Variants in FAM107B observed in about 807,000 individuals in gnomAD.
FAM107B encodes family with sequence similarity 107 member B.
A neutral mutation model predicts 31.5 loss-of-function variants in FAM107B; 21 were observed. That is an observed-to-expected ratio of 0.67 (90% CI 0.47 to 0.96). The LOEUF (loss-of-function observed/expected upper bound fraction) is 0.96. Among genes scored for constraint, FAM107B ranks in the 40% least tolerant of loss-of-function variants. The pLI, the probability that FAM107B is intolerant of heterozygous loss-of-function variation, is 0.00. For synonymous variants in FAM107B, 157 were observed against 141.5 expected (o/e 1.11, Z -0.78); for missense variants, 452 against 377.1 (o/e 1.20, Z -1.64).
At chr10:14,634,915 C>T (rs1213240846) in intron 2 of FAM107B, among the ~76,000 whole-genome samples, 6 of 151,946 alleles carry the variant, frequency 3.9e-5, no homozygotes, top group African/African-American at 9.7e-5. Flanking sequence ...CATGGTGAAA[C>T]CCCATCTCTA....
At chr10:14,719,647 C>T (rs970280428) in intron 1 of FAM107B, among the ~76,000 whole-genome samples, 6 of 152,102 alleles carry the variant, frequency 3.9e-5, no homozygotes, top group Admixed American at 2.6e-4. Flanking sequence ...CTAGGGGATT[C>T]GAGGGGGAGA....
chr10:14,678,385 C>T (rs914260000), intron 1 of FAM107B, among the ~76,000 whole-genome samples: 10 of 152,128 alleles, frequency 6.6e-5, no homozygotes, highest in African/African-American at 2.4e-4. Flanking sequence ...TGATTGTATA[C>T]ACAACTTTCA....
chr10:14,519,349 C>G lies in FAM107B; in HGVS notation c.*1841G>C, dbSNP rs1845417452. On this transcript the variant is annotated 3_prime_UTR_variant, in exon 5 of 5. Transcript: ENST00000181796. ...CAGTCCCGAATCTTCATTTTACAAA[C>G]AGCATCGCTAGTCCACAGACACAAA... 1 of 152,120 alleles carries G rather than the reference C, an allele frequency of 6.6e-6. No homozygotes were observed. The highest frequency in any genetic ancestry group is 2.4e-5 in the African/African-American group (1 of 41,416). The allele number at this position is 152,120 out of a possible 1,614,324, so 9.4% of individuals were successfully genotyped here. A position where few individuals can be genotyped will look rare whatever the true frequency, so the allele number is the denominator to read the frequency against.
At position 14,680,061 on chromosome 10, in the gene FAM107B, A is replaced by G. The variant is rs1854792635; in HGVS notation, c.412-12370T>C. On this transcript the variant is annotated intron_variant, in intron 1 of 4. Transcript: ENST00000181796. ...TAAACTCCCCTTTATATGTTCAGCAATCCTATTAGTTCTGTCCCTCTAGAG... is the reference window on the plus strand; with the variant it reads ...TAAACTCCCCTTTATATGTTCAGCAGTCCTATTAGTTCTGTCCCTCTAGAG... 2.0e-5 allele frequency among the ~76,000 whole-genome samples: 3 copies of G among 152,112 alleles called. No individual in the cohort carries two copies. The South Asian group carries it at 6.2e-4, about 32-fold the overall frequency.
intron 1 of FAM107B, among the ~76,000 whole-genome samples, chr10:14,752,456 C>T (rs1832848193): frequency 6.6e-6 from 1 of 152,164 alleles, no homozygotes; most frequent in Non-Finnish European, 1.5e-5. Flanking sequence ...GGGAGGTAGT[C>T]CAGATACAAA....
intron 1 of FAM107B, among the ~76,000 whole-genome samples, chr10:14,705,416 G>A (rs945496631): frequency 3.3e-5 from 5 of 152,114 alleles, no homozygotes; most frequent in African/African-American, 9.7e-5. Context: ...GCACACCCAT[G>A]CTCCTAGCAG....
At chr10:14,528,976 G>T (rs777951224) in intron 3 of FAM107B, among the ~76,000 whole-genome samples, 4 of 152,204 alleles carry the variant, frequency 2.6e-5, no homozygotes, top group Non-Finnish European at 5.9e-5. Flanking sequence ...TTAGAGAACA[G>T]CTAAGTCTCC....
intron 2 of FAM107B, among the ~76,000 whole-genome samples, chr10:14,599,210 G>A (rs944172221): frequency 6.6e-6 from 1 of 151,880 alleles, no homozygotes; most frequent in Admixed American, 6.6e-5. Flanking sequence ...CATAACCTGA[G>A]GGTTGCTGGG....
At chr10:14,633,394 T>A (rs1295511858) in intron 2 of FAM107B, among the ~76,000 whole-genome samples, 1 of 152,182 alleles carries the variant, frequency 6.6e-6, no homozygotes, top group East Asian at 1.9e-4. Flanking sequence ...CAAGATATAA[T>A]TGATGTTAAA....
intron 2 of FAM107B, among the ~76,000 whole-genome samples, chr10:14,560,423 AG>A (rs1160023110): frequency 6.6e-6 from 1 of 152,228 alleles, no homozygotes; most frequent in East Asian, 1.9e-4. Context: ...GAGCCGTCAG[AG>A]CGGGAAAGCC....
rs1845357818 is a variant in FAM107B, at chr10:14,518,771, ACTGT to A, written c.*2415_*2418del. ...TTTTCAGAGTAGAAGAATAAAGTCG[ACTGT>A]TATAGCTTAGAAAGCAACACTACTA... On this transcript the variant is annotated 3_prime_UTR_variant, in exon 5 of 5. Transcript: ENST00000181796. 1 of 152,656 alleles carries A rather than the reference ACTGT, an allele frequency of 6.6e-6. No homozygotes were observed. The highest frequency in any genetic ancestry group is 1.5e-5 in the Non-Finnish European group (1 of 68,044). The allele number at this position is 152,656 out of a possible 1,614,324, so 9.5% of individuals were successfully genotyped here. A position where few individuals can be genotyped will look rare whatever the true frequency, so the allele number is the denominator to read the frequency against.
chr10:14,667,658 C>A lies in FAM107B; in HGVS notation c.445G>T (p.Glu149Ter), dbSNP rs766482832. 2 of 1,614,042 alleles carry A rather than the reference C, an allele frequency of 1.2e-6. No homozygotes were observed. The highest frequency in any genetic ancestry group is 3.3e-5 in the Admixed American group (2 of 59,986). The change falls in exon 2 of 5, where the codon GAG (glutamate) becomes TAG (stop). Residue 149 changes from glutamate (E) to a stop codon, truncating the protein, a stop_gained. Transcript: ENST00000181796. LOFTEE classifies it high-confidence loss of function. ...CCTGATGTCATTTTCTGCTCCAGCT[C>A]GAGGCATTTAGGTTCTTCTCGAAAT... The part of the protein sequence containing the change: ...EEFREEPKCL[E>*]LEQKMTSDSP...
chr10:14,641,435 G>A (rs957233709), intron 2 of FAM107B, among the ~76,000 whole-genome samples: 17 of 152,132 alleles, frequency 1.1e-4, no homozygotes, highest in Admixed American at 7.2e-4. Flanking sequence ...AGCTCAGGCC[G>A]CCATAACAAA....
intron 1 of FAM107B, among the ~76,000 whole-genome samples, chr10:14,762,205 G>A (rs1027167905): frequency 3.9e-5 from 6 of 151,966 alleles, no homozygotes; most frequent in African/African-American, 1.5e-4. Flanking sequence ...AGCACCATTG[G>A]GCATCCCCTC....
At chr10:14,638,804 G>A (rs1410070) in intron 2 of FAM107B, among the ~76,000 whole-genome samples, 131,683 of 152,104 alleles carry the variant, frequency 0.87, 57,308 homozygotes, top group East Asian at 0.95. Context: ...ATGTTGCACT[G>A]TTTTCTCTTT....
At chr10:14,729,585 C>T (rs1856116637) in intron 1 of FAM107B, among the ~76,000 whole-genome samples, 1 of 152,154 alleles carries the variant, frequency 6.6e-6, no homozygotes, top group Middle Eastern at 3.2e-3. Context: ...GGAAGCTTCA[C>T]TGTAGACCCG....
At chr10:14,548,359 C>T in intron 2 of FAM107B, 1 of 941,290 alleles carries the variant, frequency 1.1e-6, no homozygotes, top group Non-Finnish European at 1.3e-6. Context: ...CTTCCGACTG[C>T]ACCTCCTGCC....
At chr10:14,709,102 C>A (rs1487329063) in intron 1 of FAM107B, among the ~76,000 whole-genome samples, 2 of 152,172 alleles carry the variant, frequency 1.3e-5, no homozygotes, top group African/African-American at 4.8e-5. Flanking sequence ...TGGTGAAATA[C>A]AAAATGGTGC....
intron 2 of FAM107B, chr10:14,548,403 A>G (rs1848916226): frequency 2.0e-6 from 2 of 985,134 alleles, no homozygotes; most frequent in Non-Finnish European, 2.4e-6. Context: ...CCTTGTACAC[A>G]GGTCTGTGAG....
Sources: allele counts gnomAD v4.1 joint callset (sites outside exome capture counted in the v4.1 genomes callset), GRCh38; gene constraint gnomAD v4.1.1; transcripts MANE v1.5; gene names NCBI Gene and HGNC (gene_info 2026-07-23, HGNC 2026-07-21).